Variants in LIMK2 observed in about 807,000 individuals in gnomAD.
The protein encoded by LIMK2 is LIM domain kinase 2.
In LIMK2, 35 loss-of-function variants were observed where a neutral mutation model predicts 75.7. The observed-to-expected ratio is 0.46, with a 90% CI of 0.35 to 0.61. LIMK2 has a LOEUF of 0.61. LIMK2 is among the 20% of genes least tolerant of loss of function. The pLI is 0.00. For synonymous variants in LIMK2, 301 were observed against 319.2 expected (o/e 0.94, Z 0.61); for missense variants, 623 against 831.0 (o/e 0.75, Z 3.08).
chr22:31,267,974 C>G, intron 10 of LIMK2, 67 bp downstream of exon 10: 1 of 1,572,972 alleles, frequency 6.4e-7, no homozygotes, highest in South Asian at 1.2e-5. Context: ...CTATCACTAC[C>G]CTAGGAGCTT....
At chr22:31,219,611 G>A (rs779930198) in intron 1 of LIMK2, among the ~76,000 whole-genome samples, 9 of 151,646 alleles carry the variant, frequency 5.9e-5, no homozygotes, top group South Asian at 2.1e-4. Flanking sequence ...TGGCTCTGTC[G>A]CCCAAGCTGG....
intron 2 of LIMK2, among the ~76,000 whole-genome samples, chr22:31,250,924 G>C (rs1366769566): frequency 6.6e-6 from 1 of 152,196 alleles, no homozygotes; most frequent in African/African-American, 2.4e-5. Context: ...GAGTTCTGGG[G>C]CTGTGGTTGC....
chr22:31,240,554 G>T (rs927547332), intron 2 of LIMK2, among the ~76,000 whole-genome samples: 1 of 151,868 alleles, frequency 6.6e-6, no homozygotes, highest in Non-Finnish European at 1.5e-5. Context: ...CTCCCGAGGA[G>T]CTGTTACTAC....
chr22:31,275,005 G>A, intron 14 of LIMK2, 146 bp from the exon 15 acceptor site: 2 of 749,582 alleles, frequency 2.7e-6, no homozygotes, highest in Non-Finnish European at 4.6e-6. Flanking sequence ...TTGGAGAGAT[G>A]ATTGGGGATT....
intron 7 of LIMK2, among the ~76,000 whole-genome samples, chr22:31,263,003 TGA>T (rs1168568235): frequency 6.6e-6 from 1 of 152,132 alleles, no homozygotes; most frequent in Non-Finnish European, 1.5e-5. Context: ...CTTAGAAACC[TGA>T]GAGTCAGTCT....
At chr22:31,214,553 C>G (rs1284057279) in intron 1 of LIMK2, among the ~76,000 whole-genome samples, 5 of 151,714 alleles carry the variant, frequency 3.3e-5, no homozygotes, top group African/African-American at 1.2e-4. Context: ...CTCAACCTCC[C>G]AAAGTGCTGG....
In LIMK2 at chr22:31,263,156, GAA is replaced by G. The variant is rs553862487; in HGVS notation, c.854+368_854+369del. On this transcript the variant is annotated intron_variant, in intron 7 of 15. Coordinates refer to ENST00000331728, the MANE Select transcript of LIMK2 (RefSeq NM_005569.4). Reference sequence around the variant, plus strand: ...TGAATAAATTGTGTAGAAAGACTTTGAAAACAATAAAGCAAAAGATGAATGAA... The same window carrying G: ...TGAATAAATTGTGTAGAAAGACTTTGAACAATAAAGCAAAAGATGAATGAA... Among the ~76,000 whole-genome samples the G allele has an allele frequency of 1.3e-3, 204 of 152,326 alleles. 1 individual carries two copies. The highest frequency in any genetic ancestry group is 4.8e-3 in the African/African-American group (199 of 41,574).
intron 1 of LIMK2, among the ~76,000 whole-genome samples, chr22:31,216,506 G>A (rs969518205): frequency 4.2e-4 from 64 of 152,254 alleles, no homozygotes; most frequent in Admixed American, 1.6e-3. Context: ...CATGATGTGG[G>A]CACAGGGCCA....
intron 12 of LIMK2, among the ~76,000 whole-genome samples, chr22:31,272,168 C>G (rs5997932): frequency 0.38 from 58,120 of 151,836 alleles, 12,889 homozygotes; most frequent in Middle Eastern, 0.56. Flanking sequence ...TCTAGTGATT[C>G]TTCTGCTTCA....
chr22:31,261,908 T>G (rs2048844107), intron 5 of LIMK2, among the ~76,000 whole-genome samples: 1 of 152,140 alleles, frequency 6.6e-6, no homozygotes, highest in Non-Finnish European at 1.5e-5. Context: ...AACTCCAGAT[T>G]GGGAAGATGA....
chr22:31,216,944 G>T (rs1169692282), intron 1 of LIMK2, among the ~76,000 whole-genome samples: 1 of 152,140 alleles, frequency 6.6e-6, no homozygotes. Context: ...GAAAGAATTA[G>T]ACTATTTTAC....
chr22:31,249,913 C>T (rs1045992341), intron 2 of LIMK2, among the ~76,000 whole-genome samples: 1 of 152,166 alleles, frequency 6.6e-6, no homozygotes, highest in Non-Finnish European at 1.5e-5. Flanking sequence ...AATCTCTCAA[C>T]AGCCTAAAGA....
At chr22:31,243,748 C>A (rs1027313681) in intron 2 of LIMK2, among the ~76,000 whole-genome samples, 1 of 152,216 alleles carries the variant, frequency 6.6e-6, no homozygotes, top group Non-Finnish European at 1.5e-5. Flanking sequence ...CTGCCAGCTG[C>A]TCTGAGGACC....
chr22:31,259,409 A>C (rs1315562644), intron 4 of LIMK2, among the ~76,000 whole-genome samples, 179 bp downstream of exon 4: 1 of 151,902 alleles, frequency 6.6e-6, no homozygotes, highest in Non-Finnish European at 1.5e-5. Flanking sequence ...ACATGTCTCT[A>C]CCCTTTTTCC....
chr22:31,275,269 C>T lies in LIMK2; in HGVS notation c.1733C>T (p.Pro578Leu), dbSNP rs777477587. 4 of 1,614,202 alleles carry T rather than the reference C, an allele frequency of 2.5e-6. No individual in the cohort carries two copies. The highest frequency in any genetic ancestry group is 3.4e-6 in the Non-Finnish European group (4 of 1,180,048). ...ACAGATTGTCCCCCGGCCTTCTTCC[C>T]GCTGGCCGCCATCTGCTGCAGACTG... The part of the protein sequence containing the change: ...VPTDCPPAFF[P>L]LAAICCRLEP... Residue 578 changes from proline to leucine, a missense_variant, in exon 15 of 16, where the codon CCG (proline) becomes CTG (leucine). Physicochemically the swap from Pro to Leu is moderately conservative, Grantham distance 98. This residue lies in a region of LIMK2 where 63 missense variants were observed against 122.8 expected (regional missense o/e 0.51). Transcript: ENST00000331728.
At chr22:31,227,398 G>A (rs2048489182) in intron 2 of LIMK2, among the ~76,000 whole-genome samples, 1 of 152,220 alleles carries the variant, frequency 6.6e-6, no homozygotes, top group African/African-American at 2.4e-5. Flanking sequence ...CCTCTTCCCT[G>A]GGAACCATAT....
intron 2 of LIMK2, among the ~76,000 whole-genome samples, chr22:31,252,226 T>C (rs1339954498): frequency 1.3e-5 from 2 of 152,190 alleles, no homozygotes; most frequent in African/African-American, 4.8e-5. Context: ...AACTATTTCC[T>C]AATTATTAGA....
At chr22:31,250,965 G>T (rs944495611) in intron 2 of LIMK2, among the ~76,000 whole-genome samples, 4 of 152,320 alleles carry the variant, frequency 2.6e-5, no homozygotes, top group Middle Eastern at 3.4e-3. Context: ...ATTCCATGGG[G>T]ACATGATCAG....
chr22:31,242,847 A>T (rs1475989503), intron 2 of LIMK2, among the ~76,000 whole-genome samples: 2 of 152,268 alleles, frequency 1.3e-5, no homozygotes, highest in African/African-American at 4.8e-5. Flanking sequence ...CATGAGCCAG[A>T]TACTGAAGTG....
Sources: allele counts gnomAD v4.1 joint callset (sites outside exome capture counted in the v4.1 genomes callset), GRCh38; gene constraint gnomAD v4.1.1; regional missense constraint gnomAD v4.1.1; transcripts MANE v1.5; gene names NCBI Gene and HGNC (gene_info 2026-07-23, HGNC 2026-07-21).